Variants in CDYL observed in about 807,000 individuals in gnomAD.
CDYL encodes the protein chromodomain Y like, also known as chromodomain Y-like protein.
A neutral mutation model predicts 47.3 loss-of-function variants in CDYL; 8 were observed. The ratio of observed to expected loss-of-function variants is 0.17; its 90% CI spans 0.10 to 0.31. The LOEUF (loss-of-function observed/expected upper bound fraction) is 0.31, where lower values mean the gene tolerates loss of function less well. Among genes scored for constraint, CDYL ranks in the 10% least tolerant of loss-of-function variants. The pLI is 1.00. For missense variants in CDYL, 471 were observed against 701.4 expected (o/e 0.67, Z 3.71); for synonymous variants, 266 against 265.0 (o/e 1.00, Z -0.04).
intron 1 of CDYL, among the ~76,000 whole-genome samples, chr6:4,812,215 C>G (rs1428519654): frequency 6.6e-6 from 1 of 152,178 alleles, no homozygotes; most frequent in Non-Finnish European, 1.5e-5. Flanking sequence ...ACAAGATGCC[C>G]TAGATACCTC....
chr6:4,861,642 G>A (rs928737383), intron 1 of CDYL, among the ~76,000 whole-genome samples: 1 of 152,202 alleles, frequency 6.6e-6, no homozygotes, highest in Non-Finnish European at 1.5e-5. Flanking sequence ...ATTTTCCTAT[G>A]TTGAAGTTAT....
At chr6:4,807,589 GTCTTTTTT>G (rs1759406498) in intron 1 of CDYL, among the ~76,000 whole-genome samples, 4 of 87,216 alleles carry the variant, frequency 4.6e-5, no homozygotes, top group Admixed American at 3.0e-4. Context: ...ATTCATTCAT[GTCTTTTTT>G]TTTTTTTTTT....
At chr6:4,910,015 A>C (rs1372197865) in intron 2 of CDYL, among the ~76,000 whole-genome samples, 1 of 145,626 alleles carries the variant, frequency 6.9e-6, no homozygotes, top group Non-Finnish European at 1.5e-5. Flanking sequence ...GTATTCATAT[A>C]TATACATATA....
chr6:4,734,265 G>C (rs1460283495), intron 2 of CDYL, among the ~76,000 whole-genome samples: 2 of 152,214 alleles, frequency 1.3e-5, no homozygotes, highest in Non-Finnish European at 2.9e-5. Context: ...GGGTCCCCTT[G>C]TGTGGGCTCA....
chr6:4,902,377 G>T (rs983339242), intron 2 of CDYL, among the ~76,000 whole-genome samples: 1 of 149,670 alleles, frequency 6.7e-6, no homozygotes, highest in Non-Finnish European at 1.5e-5. Context: ...TTGCACTCCA[G>T]TCTGGGCAAC....
intron 2 of CDYL, among the ~76,000 whole-genome samples, chr6:4,933,393 G>C (rs1039199199): frequency 6.6e-6 from 1 of 152,136 alleles, no homozygotes; most frequent in African/African-American, 2.4e-5. Context: ...CCCCTCTTCC[G>C]CTCCCCCAGG....
chr6:4,947,325 G>T (rs995891481), intron 5 of CDYL, among the ~76,000 whole-genome samples: 2 of 152,148 alleles, frequency 1.3e-5, no homozygotes, highest in Admixed American at 1.3e-4. Flanking sequence ...AAAGTTGGGG[G>T]CATTCACCCA....
chr6:4,835,891 G>A (rs1760287116), intron 1 of CDYL, among the ~76,000 whole-genome samples: 1 of 152,196 alleles, frequency 6.6e-6, no homozygotes. Flanking sequence ...CCAGGTGCGG[G>A]ATATAATCTC....
At chr6:4,750,049 A>G (rs1377878474) in intron 3 of CDYL, among the ~76,000 whole-genome samples, 2 of 151,978 alleles carry the variant, frequency 1.3e-5, no homozygotes, top group East Asian at 3.9e-4. Flanking sequence ...AAAATTAATA[A>G]CTGTAAAGGC....
intron 1 of CDYL, among the ~76,000 whole-genome samples, chr6:4,810,681 G>A (rs774058720): frequency 4.6e-5 from 7 of 152,136 alleles, no homozygotes; most frequent in Non-Finnish European, 1.0e-4. Flanking sequence ...AGTCCTGGGG[G>A]CCCAGAAGTC....
At chr6:4,793,249 A>G (rs1435307556) in intron 1 of CDYL, among the ~76,000 whole-genome samples, 1 of 152,210 alleles carries the variant, frequency 6.6e-6, no homozygotes, top group Non-Finnish European at 1.5e-5. Context: ...CACTGGAGAT[A>G]TAGCAGCGGG....
intron 2 of CDYL, among the ~76,000 whole-genome samples, chr6:4,920,189 T>C (rs1177980711): frequency 6.6e-6 from 1 of 151,132 alleles, no homozygotes; most frequent in Non-Finnish European, 1.5e-5. Flanking sequence ...GGCGTGGGAG[T>C]GGAAAGTTGG....
At chr6:4,734,683 A>C (rs1757670703) in intron 2 of CDYL, 1 of 1,559,380 alleles carries the variant, frequency 6.4e-7, no homozygotes, top group Admixed American at 1.8e-5. Context: ...AAGTTGGGGG[A>C]TGGGGATGGA....
At chr6:4,927,439 G>GTGTGTGTGTGTGTA (rs1321173342) in intron 2 of CDYL, among the ~76,000 whole-genome samples, 3 of 151,080 alleles carry the variant, frequency 2.0e-5, no homozygotes, top group Non-Finnish European at 4.4e-5. Context: ...GTGTGTGTGT[G>GTGTGTGTGTGTGTA]TGTGTGTGTG....
chr6:4,783,087 T>C (rs1758659183), intron 1 of CDYL, among the ~76,000 whole-genome samples: 1 of 152,164 alleles, frequency 6.6e-6, no homozygotes, highest in African/African-American at 2.4e-5. Context: ...TAGAACATTA[T>C]TATTTTATAC....
chr6:4,803,823 G>C (rs975685788), intron 1 of CDYL, among the ~76,000 whole-genome samples: 1 of 147,506 alleles, frequency 6.8e-6, no homozygotes, highest in Non-Finnish European at 1.5e-5. Flanking sequence ...TTTAAAAGTA[G>C]TTAAAAGATA....
intron 4 of CDYL, 149 bp from the exon 5 acceptor site, chr6:4,943,397 C>A: frequency 1.6e-6 from 1 of 624,754 alleles, no homozygotes; most frequent in Non-Finnish European, 2.8e-6. Context: ...GTCTAGGGTC[C>A]ACAACTGCTG....
intron 3 of CDYL, among the ~76,000 whole-genome samples, chr6:4,744,322 G>A (rs1027673023): frequency 1.3e-5 from 2 of 152,110 alleles, no homozygotes; most frequent in African/African-American, 2.4e-5. Context: ...GTAAAACCCT[G>A]TCCCTACAAA....
intron 3 of CDYL, among the ~76,000 whole-genome samples, chr6:4,758,423 G>A (rs1336009581): frequency 6.6e-6 from 1 of 150,700 alleles, no homozygotes; most frequent in African/African-American, 2.5e-5. Flanking sequence ...CACTTTGGGA[G>A]GCAGAGACGG....
Sources: allele counts gnomAD v4.1 joint callset (sites outside exome capture counted in the v4.1 genomes callset), GRCh38; gene constraint gnomAD v4.1.1; transcripts MANE v1.5; gene names NCBI Gene and HGNC (gene_info 2026-07-23, HGNC 2026-07-21).